INVS: variants seen among roughly 807,000 people sequenced by gnomAD.
INVS encodes the protein inversin, also known as inversion of embryo turning homolog.
In INVS, 86 loss-of-function variants were observed where a neutral mutation model predicts 108.8. The observed-to-expected ratio is 0.79, with a 90% CI of 0.66 to 0.95. The LOEUF (loss-of-function observed/expected upper bound fraction) is 0.95. INVS is among the 40% of genes least tolerant of loss of function. The probability of loss-of-function intolerance (pLI) is 0.00; values close to 1 mark genes in which losing one functional copy is unlikely to be tolerated. For synonymous variants in INVS, 455 were observed against 473.5 expected (o/e 0.96, Z 0.51); for missense variants, 1,169 against 1,297.4 (o/e 0.90, Z 1.52).
chr9:100,148,982 G>T (rs1424976864), intron 3 of INVS, among the ~76,000 whole-genome samples: 1 of 151,508 alleles, frequency 6.6e-6, no homozygotes, highest in Non-Finnish European at 1.5e-5. Context: ...AGACTGCCAT[G>T]TATCAAATAT....
chr9:100,291,071 ATT>A (rs370662366), intron 13 of INVS, among the ~76,000 whole-genome samples: 4 of 144,822 alleles, frequency 2.8e-5, no homozygotes, highest in Non-Finnish European at 4.6e-5. Flanking sequence ...TTTATTAAGA[ATT>A]TTTTTTTTTT....
At position 100,264,861 on chromosome 9, in the gene INVS, C is replaced by T; in HGVS notation, c.1504C>T (p.Leu502Phe). The change falls in exon 11 of 17, where the codon CTT (leucine) becomes TTT (phenylalanine). Residue 502 changes from leucine to phenylalanine, a missense_variant. This residue lies in a region of INVS where 271 missense variants were observed against 363.8 expected (regional missense o/e 0.74). Coordinates refer to ENST00000262457, the MANE Select transcript of INVS (RefSeq NM_014425.5). The stretch of plus-strand genomic sequence containing the variant: ...GCATTGGTCCTGCAACAATGGATAC[C>T]TTGATGCCATTAAATTACTGCTAGA... ...ALHWSCNNGY[L>F]DAIKLLLDFA... 1 of 1,613,324 alleles carries T rather than the reference C, an allele frequency of 6.2e-7. No homozygotes were observed. Among genetic ancestry groups the T allele is most frequent in the Non-Finnish European group, 8.5e-7 (1 of 1,179,724 alleles).
At chr9:100,199,866 T>C (rs186127931) in intron 3 of INVS, among the ~76,000 whole-genome samples, 2 of 152,328 alleles carry the variant, frequency 1.3e-5, no homozygotes, top group East Asian at 3.9e-4. Context: ...TTACCAAATT[T>C]AAATCATTTC....
intron 3 of INVS, chr9:100,214,877 T>A (rs1830937831): frequency 6.6e-6 from 1 of 152,242 alleles, no homozygotes; most frequent in African/African-American, 2.4e-5. Context: ...GTATTAATTG[T>A]CCTCCCCATC....
chr9:100,229,853 T>C, intron 5 of INVS, 26 bp downstream of exon 5: 27 of 1,610,652 alleles, frequency 1.7e-5, no homozygotes, highest in Non-Finnish European at 2.3e-5. Flanking sequence ...CTGCTAGACC[T>C]GAATGGCCTT....
intron 2 of INVS, among the ~76,000 whole-genome samples, chr9:100,106,882 CT>C (rs1490606927): frequency 6.6e-6 from 1 of 151,476 alleles, no homozygotes; most frequent in Non-Finnish European, 1.5e-5. Flanking sequence ...ACAAAAGAAG[CT>C]GAAAAAAAAA....
chr9:100,166,718 C>A (rs372333062), intron 3 of INVS, among the ~76,000 whole-genome samples: 1 of 152,128 alleles, frequency 6.6e-6, no homozygotes, highest in African/African-American at 2.4e-5. Flanking sequence ...TAGATTTATC[C>A]AGAATGCAAC....
intron 6 of INVS, among the ~76,000 whole-genome samples, chr9:100,241,172 G>A (rs989509284): frequency 2.6e-5 from 4 of 151,644 alleles, no homozygotes; most frequent in South Asian, 4.2e-4. Context: ...GTTTATATGT[G>A]CACTCACTTT....
chr9:100,112,444 T>A lies in INVS; in HGVS notation c.106+7817T>A, dbSNP rs563147714. On this transcript the variant is annotated intron_variant, in intron 2 of 16. Transcript: ENST00000262457. ...AAAGAGAAGGCTTGAAGTTTCCCTG[T>A]ATCTTATATAAGACTTAGGAAGATG... Among the ~76,000 whole-genome samples, 158 of 152,328 alleles carry A rather than the reference T, an allele frequency of 1.0e-3. 2 individuals carry two copies. The highest frequency in any genetic ancestry group is 0.01 in the Middle Eastern group (3 of 294).
chr9:100,166,368 C>T (rs535323403), intron 3 of INVS, among the ~76,000 whole-genome samples: 8 of 152,134 alleles, frequency 5.3e-5, no homozygotes, highest in African/African-American at 1.9e-4. Context: ...CAAAACAAAA[C>T]AAAAACTAGC....
At chr9:100,208,584 A>G (rs2118282013) in intron 3 of INVS, among the ~76,000 whole-genome samples, 1 of 152,328 alleles carries the variant, frequency 6.6e-6, no homozygotes, top group Non-Finnish European at 1.5e-5. Context: ...TGATTTTTCT[A>G]AACTGCATGC....
chr9:100,236,544 T>G (rs527256203), intron 5 of INVS, among the ~76,000 whole-genome samples: 1 of 152,366 alleles, frequency 6.6e-6, no homozygotes, highest in Non-Finnish European at 1.5e-5. Context: ...GATTTTTGTG[T>G]GGGTGTCCTT....
At chr9:100,158,229 A>G (rs1383622248) in intron 3 of INVS, among the ~76,000 whole-genome samples, 2 of 152,268 alleles carry the variant, frequency 1.3e-5, no homozygotes, top group African/African-American at 4.8e-5. Context: ...GGGGAATTCT[A>G]TTATCTCTTT....
At chr9:100,142,077 C>G (rs887659890) in intron 3 of INVS, among the ~76,000 whole-genome samples, 3 of 152,164 alleles carry the variant, frequency 2.0e-5, no homozygotes, top group African/African-American at 7.2e-5. Context: ...TAAGCGTCGC[C>G]TAGAGCAATG....
intron 1 of INVS, 62 bp from the exon 2 acceptor site, chr9:100,104,436 C>A: frequency 1.1e-6 from 1 of 872,764 alleles, no homozygotes; most frequent in Non-Finnish European, 1.9e-6. Flanking sequence ...CCACTTGGAA[C>A]TGATGAGACA....
At chr9:100,176,764 C>T (rs756135555) in intron 3 of INVS, among the ~76,000 whole-genome samples, 16 of 152,104 alleles carry the variant, frequency 1.1e-4, no homozygotes, top group South Asian at 4.1e-4. Context: ...CATGAGCCAC[C>T]GTGCCTGGCC....
At position 100,301,067 on chromosome 9, in the gene INVS, A is replaced by T; in HGVS notation, c.*393A>T. The T allele has an allele frequency of 3.6e-6, 1 of 279,226 alleles. No homozygotes were observed. The highest frequency in any genetic ancestry group is 7.0e-6 in the Non-Finnish European group (1 of 143,878). 17.3% of individuals were successfully genotyped at this position (279,226 alleles called of 1,614,324 possible). On this transcript the variant is annotated 3_prime_UTR_variant, in exon 17 of 17. Transcript: ENST00000262457. ...CTTCTTGTTTCAAGAGATGAACCTA[A>T]ATGAGATAGGAAGCCTGTCCCATAG...
Position 100,152,513 on chromosome 9 carries a change from G to A in INVS, c.273+25964G>A, listed in dbSNP as rs142364871. On this transcript the variant is annotated intron_variant, in intron 3 of 16. Coordinates refer to ENST00000262457, the MANE Select transcript of INVS (RefSeq NM_014425.5). ...TTATTATACTTGTCTAAATTATGTC[G>A]TCAGTATTAACTCAGCCTCTTGAAA... Among the ~76,000 whole-genome samples, 455 of 152,108 alleles carry A rather than the reference G, an allele frequency of 3.0e-3. 4 individuals are homozygous for A. The highest frequency in any genetic ancestry group is 0.01 in the African/African-American group (430 of 41,508).
chr9:100,168,333 G>C (rs1194619510), intron 3 of INVS, among the ~76,000 whole-genome samples: 1 of 152,134 alleles, frequency 6.6e-6, no homozygotes, highest in Non-Finnish European at 1.5e-5. Context: ...AGAACATCAA[G>C]CTTGAGCTGG....
Sources: allele counts gnomAD v4.1 joint callset (sites outside exome capture counted in the v4.1 genomes callset), GRCh38; gene constraint gnomAD v4.1.1; regional missense constraint gnomAD v4.1.1; transcripts MANE v1.5; gene names NCBI Gene and HGNC (gene_info 2026-07-23, HGNC 2026-07-21).